The following H1-8 variants were observed in gnomAD, a reference collection of about 807,000 sequenced individuals.
The protein encoded by H1-8 is H1.8 linker histone.
A neutral mutation model predicts 19.5 loss-of-function variants in H1-8; 13 were observed. That is an observed-to-expected ratio of 0.67 (90% CI 0.43 to 1.06). The LOEUF (loss-of-function observed/expected upper bound fraction) is 1.06, where lower values mean the gene tolerates loss of function less well. Ranked by LOEUF, H1-8 falls within the 50% of genes least tolerant of loss-of-function variation. The pLI is 0.00. For synonymous variants in H1-8, 193 were observed against 187.6 expected (o/e 1.03, Z -0.24); for missense variants, 432 against 459.8 (o/e 0.94, Z 0.55).
rs371996142 is a variant in H1-8, at chr3:129,548,570, C to T, written c.379-431C>T. 42 of 870,456 alleles carry T rather than the reference C, an allele frequency of 4.8e-5. No individual in the cohort carries two copies. The African/African-American group carries it at 7.5e-4, about 15-fold the overall frequency. 53.9% of individuals were successfully genotyped at this position (870,456 alleles called of 1,614,324 possible). On this transcript the variant is annotated intron_variant, in intron 2 of 4. Transcript: ENST00000324382. ...GCCCTCCCTTCCCTGCCGCTCACAG[C>T]CTTGGTGATTGTCCTGCTGTAAAGA...
Position 129,547,611 on chromosome 3 carries a change from T to G in H1-8, c.309T>G (p.Thr103=). The G allele has an allele frequency of 6.4e-7, 1 of 1,552,114 alleles. No homozygotes were observed. Among genetic ancestry groups the G allele is most frequent in the Non-Finnish European group, 8.7e-7 (1 of 1,148,486 alleles). Residue 103 remains threonine, a synonymous_variant, in exon 2 of 5, where the codon ACT becomes ACG. Transcript: ENST00000324382. The stretch of plus-strand genomic sequence containing the variant: ...ACCTGCTGAAGCAGGCGCTGGCCAC[T>G]GGCATGCGCCGTGGCCTCCTCGCCA... ...FKYLLKQALA[T]GMRRGLLARP...
At chr3:129,547,759 G>A in intron 2 of H1-8, 79 bp downstream of exon 2, 1 of 1,311,168 alleles carries the variant, frequency 7.6e-7, no homozygotes, top group South Asian at 1.5e-5. Context: ...GCCTCTACTG[G>A]AAGGCCTTTC....
At position 129,551,350 on chromosome 3, in the gene H1-8, C is replaced by G. The variant is rs745381638; in HGVS notation, c.*10C>G. 6.3e-6 allele frequency: 10 copies of G among 1,591,520 alleles called. No homozygotes were observed. Among genetic ancestry groups the G allele is most frequent in the Non-Finnish European group, 7.7e-6 (9 of 1,162,048 alleles). On this transcript the variant is annotated 3_prime_UTR_variant, in exon 5 of 5. Coordinates refer to ENST00000324382, the MANE Select transcript of H1-8 (RefSeq NM_153833.3). ...GAGGGCTGAAGCTTAGGGCCAGAGGCAGGGGCGGAGAGAGACCGAGCCTCT... is the reference window on the plus strand; with the variant it reads ...GAGGGCTGAAGCTTAGGGCCAGAGGGAGGGGCGGAGAGAGACCGAGCCTCT...
At chr3:129,545,882 G>A (rs2084882799) in intron 1 of H1-8, among the ~76,000 whole-genome samples, 1 of 152,098 alleles carries the variant, frequency 6.6e-6, no homozygotes, top group Non-Finnish European at 1.5e-5. Flanking sequence ...CATGAATAGT[G>A]CTGCTATGAA....
chr3:129,550,143 CTCTT>C (rs1276801173), intron 3 of H1-8, among the ~76,000 whole-genome samples: 5 of 152,160 alleles, frequency 3.3e-5, no homozygotes, highest in Admixed American at 1.3e-4. Flanking sequence ...TTTCCTCTCT[CTCTT>C]TTAGAGACAG....
At chr3:129,548,217 C>T (rs559007833) in intron 2 of H1-8, 3 of 506,918 alleles carry the variant, frequency 5.9e-6, no homozygotes, top group South Asian at 8.6e-5. Context: ...TGCTGGGTCC[C>T]CTGCATCTTG....
In H1-8 at chr3:129,550,973, G is replaced by A. The variant is rs1351618446; in HGVS notation, c.808-134G>A. 5.2e-5 allele frequency: 50 copies of A among 964,302 alleles called. 2 individuals carry two copies. The highest frequency in any genetic ancestry group is 4.5e-4 in the South Asian group (28 of 62,334). The allele number at this position is 964,302 out of a possible 1,614,324, so 59.7% of individuals were successfully genotyped here. On this transcript the variant is annotated intron_variant, in intron 4 of 4. Transcript: ENST00000324382. ...TTCTCTCTGGTCCCCTGGCACCCTGGGGGTGTTGCCATCCCCATCTTACAG... is the reference window on the plus strand; with the variant it reads ...TTCTCTCTGGTCCCCTGGCACCCTGAGGGTGTTGCCATCCCCATCTTACAG...
chr3:129,547,725 G>A, intron 2 of H1-8, 45 bp downstream of exon 2: 1 of 1,473,774 alleles, frequency 6.8e-7, no homozygotes, highest in Non-Finnish European at 9.0e-7. Flanking sequence ...TGGAGCAATG[G>A]TCCTGGCCTC....
rs145246374 is a variant in H1-8 at position 129,551,130 on chromosome 3, G to C, written c.831G>C (p.Pro277=). Reference sequence around the variant, plus strand: ...AGGTCAAGAATGGTGCTGCTTCCCCGACCAAAAAGAAGGTGGTGGCCAAGG... The same window carrying C: ...AGGTCAAGAATGGTGCTGCTTCCCCCACCAAAAAGAAGGTGGTGGCCAAGG... The part of the protein sequence containing the change: ...ASKVKNGAAS[P]TKKKVVAKAK... Residue 277 remains proline, a synonymous_variant, in exon 5 of 5, where the codon CCG becomes CCC. Coordinates refer to ENST00000324382, the MANE Select transcript of H1-8 (RefSeq NM_153833.3). The C allele has an allele frequency of 2.5e-6, 4 of 1,613,850 alleles. No individual in the cohort carries two copies. The South Asian group carries it at 4.4e-5, about 18-fold the overall frequency.
intron 1 of H1-8, among the ~76,000 whole-genome samples, chr3:129,544,325 A>C (rs932715778): frequency 6.6e-6 from 1 of 151,068 alleles, no homozygotes; most frequent in Non-Finnish European, 1.5e-5. Context: ...TCAAGCAGGG[A>C]GGTGAGGGGT....
intron 3 of H1-8, 74 bp from the exon 4 acceptor site, chr3:129,550,671 G>C: frequency 1.6e-6 from 2 of 1,268,458 alleles, no homozygotes; most frequent in Non-Finnish European, 2.3e-6. Flanking sequence ...GGGGGTTCTA[G>C]AGCCCCTGAA....
chr3:129,551,033 T>C, intron 4 of H1-8, 74 bp from the exon 5 acceptor site: 1 of 1,361,002 alleles, frequency 7.3e-7, no homozygotes, highest in Non-Finnish European at 1.0e-6. Flanking sequence ...CGATGTTGTG[T>C]ACCCAGAGCC....
At chr3:129,550,899 T>G (rs56690036) in intron 4 of H1-8, 90 bp downstream of exon 4, 45,484 of 1,209,516 alleles carry the variant, frequency 0.038, 3,973 homozygotes, top group East Asian at 0.26. Context: ...GGAAGGGTCA[T>G]CCAGGGATGG....
intron 2 of H1-8, chr3:129,548,443 T>G (rs1274758470): frequency 3.0e-6 from 3 of 986,828 alleles, no homozygotes; most frequent in Non-Finnish European, 3.6e-6. Flanking sequence ...GCGTCAGGTG[T>G]CTGATGCGGT....
chr3:129,545,492 A>G (rs2084880720), intron 1 of H1-8, among the ~76,000 whole-genome samples: 1 of 152,134 alleles, frequency 6.6e-6, no homozygotes, highest in African/African-American at 2.4e-5. Context: ...AAAGTGTACA[A>G]TGGCTTTTGG....
rs1560051676 is a variant in H1-8, at chr3:129,547,647, C to T, written c.345C>T (p.Asn115=). The change falls in exon 2 of 5, where the codon AAC becomes AAT. Residue 115 remains asparagine, a synonymous_variant. Coordinates refer to ENST00000324382, the MANE Select transcript of H1-8 (RefSeq NM_153833.3). The part of the protein sequence containing the change: ...MRRGLLARPL[N]SKARGATGSF... ...GTGGCCTCCTCGCCAGGCCCCTCAA[C>T]TCCAAAGCCAGGGGGGCCACTGGCA... The T allele has an allele frequency of 1.3e-6, 2 of 1,546,228 alleles. No individual in the cohort carries two copies. The highest frequency in any genetic ancestry group is 1.7e-6 in the Non-Finnish European group (2 of 1,146,882).
chr3:129,548,446 G>C (rs947714897), intron 2 of H1-8: 1 of 987,470 alleles, frequency 1.0e-6, no homozygotes, highest in Admixed American at 6.0e-5. Flanking sequence ...TCAGGTGTCT[G>C]ATGCGGTGTG....
chr3:129,549,673 G>T (rs2084919574), intron 3 of H1-8, among the ~76,000 whole-genome samples: 1 of 152,044 alleles, frequency 6.6e-6, no homozygotes, highest in Non-Finnish European at 1.5e-5. Context: ...GAGTTTTTAG[G>T]CCGGGCATGG....
intron 2 of H1-8, among the ~76,000 whole-genome samples, chr3:129,548,072 G>T (rs2084903688): frequency 6.6e-6 from 1 of 152,110 alleles, no homozygotes; most frequent in Non-Finnish European, 1.5e-5. Flanking sequence ...TCTTTATAAG[G>T]AGGCTCCAAA....
Sources: gnomAD v4.1 joint callset for allele counts (sites outside exome capture counted in the v4.1 genomes callset) on GRCh38, gnomAD v4.1.1 for gene constraint, MANE v1.5 for transcripts, NCBI Gene and HGNC (gene_info 2026-07-23, HGNC 2026-07-21) for gene names.